Variants in SPATC1 observed in about 807,000 individuals in gnomAD.
SPATC1 encodes speriolin.
In SPATC1, 35 loss-of-function variants were observed where a neutral mutation model predicts 36.5. The observed-to-expected ratio is 0.96, with a 90% CI of 0.73 to 1.27. The LOEUF (loss-of-function observed/expected upper bound fraction) is 1.27. Among genes scored for constraint, SPATC1 ranks in the 50% most tolerant of loss-of-function variants. The pLI, the probability that SPATC1 is intolerant of heterozygous loss-of-function variation, is 0.00. For synonymous variants in SPATC1, 361 were observed against 353.6 expected (o/e 1.02, Z -0.24); for missense variants, 779 against 796.0 (o/e 0.98, Z 0.26).
In SPATC1 at chr8:144,014,387, G is replaced by A. The variant is rs547654760; in HGVS notation, c.211+1661G>A. On this transcript the variant is annotated intron_variant, in intron 1 of 4. Transcript: ENST00000377470. ...AGGAAGGAAAAGAGAGGAGGAGGAG[G>A]AGAAGAAGAACAAGAAGAAGAAGGA... Among the ~76,000 whole-genome samples, 14 of 125,088 alleles carry A rather than the reference G, an allele frequency of 1.1e-4. 1 individual carries two copies. The highest frequency in any genetic ancestry group is 4.1e-4 in the East Asian group (2 of 4,920). 82.1% of individuals were successfully genotyped at this position (125,088 alleles called of 152,430 possible).
intron 1 of SPATC1, among the ~76,000 whole-genome samples, chr8:144,029,911 A>G (rs1460533055): frequency 6.6e-6 from 1 of 152,196 alleles, no homozygotes; most frequent in African/African-American, 2.4e-5. Flanking sequence ...TCCAACTATT[A>G]TTGTAGAACG....
chr8:144,027,570 G>C (rs1834710844), intron 1 of SPATC1, among the ~76,000 whole-genome samples: 1 of 152,102 alleles, frequency 6.6e-6, no homozygotes, highest in Admixed American at 6.6e-5. Flanking sequence ...AGAGTTCTAT[G>C]GTTTTAGCTC....
Position 144,012,402 on chromosome 8 carries a change from G to A in SPATC1, c.-114G>A. 1.1e-6 allele frequency: 1 copy of A among 882,422 alleles called. No individual in the cohort carries two copies. Among genetic ancestry groups the A allele is most frequent in the Non-Finnish European group, 1.8e-6 (1 of 563,828 alleles). The allele number at this position is 882,422 out of a possible 1,614,324, so 54.7% of individuals were successfully genotyped here. ...ACCTCACAATACCCAGGGCCCACTG[G>A]GCCAGCCTTGCAGACTCTGCACCCT... On this transcript the variant is annotated 5_prime_UTR_variant, in exon 1 of 5. Coordinates refer to ENST00000377470, the MANE Select transcript of SPATC1 (RefSeq NM_198572.3).
At chr8:144,031,599 T>C (rs1834797633) in intron 1 of SPATC1, among the ~76,000 whole-genome samples, 1 of 151,680 alleles carries the variant, frequency 6.6e-6, no homozygotes, top group Non-Finnish European at 1.5e-5. Flanking sequence ...TCTCTATGAG[T>C]TTATTCTACT....
At chr8:144,043,385 G>A (rs887859013) in intron 4 of SPATC1, among the ~76,000 whole-genome samples, 4 of 150,014 alleles carry the variant, frequency 2.7e-5, no homozygotes, top group Non-Finnish European at 4.4e-5. Context: ...AAGTTCAAGC[G>A]ATTCTCCTGC....
Position 144,040,085 on chromosome 8 carries a change from C to A in SPATC1, c.388C>A (p.Pro130Thr), listed in dbSNP as rs781878231. 3 of 1,612,210 alleles carry A rather than the reference C, an allele frequency of 1.9e-6. No individual in the cohort carries two copies. Among genetic ancestry groups the A allele is most frequent in the African/African-American group, 1.3e-5 (1 of 74,908 alleles). ...CAGCACGCTGCTGTCTGGCCCAGCA[C>A]CCACGTCACAGAGCAGCCCCCTCAC... ...TLSTLLSGPA[P>T]TSQSSPLTSF... The change falls in exon 2 of 5, where the codon CCC becomes ACC. Residue 130 changes from proline (P) to threonine (T), a missense_variant. Physicochemically the swap from Pro to Thr is conservative, Grantham distance 38 (BLOSUM62 -1). Transcript: ENST00000377470.
At chr8:144,030,345 C>T (rs948191564) in intron 1 of SPATC1, among the ~76,000 whole-genome samples, 2 of 148,460 alleles carry the variant, frequency 1.3e-5, no homozygotes, top group Admixed American at 1.3e-4. Flanking sequence ...TGCCACATTG[C>T]TGTGTATGTA....
At chr8:144,015,553 C>T (rs1834368612) in intron 1 of SPATC1, among the ~76,000 whole-genome samples, 1 of 147,190 alleles carries the variant, frequency 6.8e-6, no homozygotes, top group East Asian at 2.1e-4. Context: ...ACCAGCCTGG[C>T]CAACATGGTG....
intron 1 of SPATC1, among the ~76,000 whole-genome samples, chr8:144,025,185 G>A (rs1174943539): frequency 6.6e-6 from 1 of 150,624 alleles, no homozygotes; most frequent in Non-Finnish European, 1.5e-5. Context: ...TTCTCCTCAG[G>A]GCCCTCTCCC....
rs552496859 is a variant in SPATC1, at chr8:144,016,581, G to A, written c.211+3855G>A. Among the ~76,000 whole-genome samples, 1 of 152,104 alleles carries A rather than the reference G, an allele frequency of 6.6e-6. No individual in the cohort carries two copies. The highest frequency in any genetic ancestry group is 2.1e-4 in the South Asian group (1 of 4,822). On this transcript the variant is annotated intron_variant, in intron 1 of 4. Transcript: ENST00000377470. The surrounding 1 kb of genome is among the most constrained non-coding windows in gnomAD (Gnocchi z 4.5). ...GAGGGGCTTGGACTTGCTCCTGAAG[G>A]CGCTAAGAAGACACTGATGGTTTTT...
chr8:144,023,855 A>C (rs1421018688), intron 1 of SPATC1, among the ~76,000 whole-genome samples: 93,927 of 93,998 alleles, frequency 1, 46,931 homozygotes, highest in Middle Eastern at 1. Flanking sequence ...CCCTGAGGAC[A>C]CTCTCTCTTC....
At chr8:144,027,526 A>G (rs1172851911) in intron 1 of SPATC1, among the ~76,000 whole-genome samples, 1 of 152,198 alleles carries the variant, frequency 6.6e-6, no homozygotes, top group African/African-American at 2.4e-5. Context: ...TGCCAAATCC[A>G]AGGTCATGCA....
chr8:144,035,058 C>A (rs960473587), intron 1 of SPATC1, among the ~76,000 whole-genome samples: 17 of 152,170 alleles, frequency 1.1e-4, no homozygotes, highest in African/African-American at 2.7e-4. Context: ...TACATTTGAA[C>A]ATTTCATGAT....
chr8:144,035,811 G>A (rs1834886962), intron 1 of SPATC1, among the ~76,000 whole-genome samples: 1 of 152,232 alleles, frequency 6.6e-6, no homozygotes, highest in Non-Finnish European at 1.5e-5. Flanking sequence ...CCCTGGCTGT[G>A]CGGGGACAGT....
chr8:144,037,086 G>T (rs1247965910), intron 1 of SPATC1, among the ~76,000 whole-genome samples: 1 of 140,150 alleles, frequency 7.1e-6, no homozygotes, highest in East Asian at 2.5e-4. Context: ...CAGTAGGGGC[G>T]GCCGGCTGGG....
At position 144,041,088 on chromosome 8, in the gene SPATC1, G is replaced by A. The variant is rs573661680; in HGVS notation, c.1287G>A (p.Lys429=). 2.5e-6 allele frequency: 4 copies of A among 1,585,044 alleles called. No homozygotes were observed. In the African/African-American group the frequency reaches 5.4e-5, roughly 21 times the overall value. ...AGCTGGCCCACCGCAAGACCAGCAAGTTCCCCGAGAACCCCCGAGGTCAGT... is the reference window on the plus strand; with the variant it reads ...AGCTGGCCCACCGCAAGACCAGCAAATTCCCCGAGAACCCCCGAGGTCAGT... The part of the protein sequence containing the change: ...ERKLAHRKTS[K]FPENPRESKQ... Residue 429 remains lysine, a synonymous_variant, in exon 3 of 5, where the codon AAG becomes AAA. Coordinates refer to ENST00000377470, the MANE Select transcript of SPATC1 (RefSeq NM_198572.3).
intron 1 of SPATC1, among the ~76,000 whole-genome samples, chr8:144,034,251 C>T (rs973085729): frequency 6.6e-6 from 1 of 152,198 alleles, no homozygotes; most frequent in Admixed American, 6.5e-5. Flanking sequence ...GCACGGGCCT[C>T]CATAGCACAG....
In SPATC1 at chr8:144,040,105, C is replaced by G; in HGVS notation, c.408C>G (p.Pro136=). 2.5e-6 allele frequency: 4 copies of G among 1,611,400 alleles called. No individual in the cohort carries two copies. Among genetic ancestry groups the G allele is most frequent in the African/African-American group, 1.3e-5 (1 of 75,018 alleles). The part of the protein sequence containing the change: ...SGPAPTSQSS[P]LTSFLTSPIA... ...CAGCACCCACGTCACAGAGCAGCCC[C>G]CTCACCAGCTTCCTGACCAGTCCCA... Residue 136 remains proline (P), a synonymous_variant, in exon 2 of 5, where the codon CCC becomes CCG. Coordinates refer to ENST00000377470, the MANE Select transcript of SPATC1 (RefSeq NM_198572.3).
chr8:144,042,108 C>T, intron 4 of SPATC1: 1 of 651,034 alleles, frequency 1.5e-6, no homozygotes, highest in Non-Finnish European at 1.9e-6. Flanking sequence ...ATGTACCCAG[C>T]TCACTGCAAC....
Sources: gnomAD v4.1 joint callset for allele counts (sites outside exome capture counted in the v4.1 genomes callset) on GRCh38, gnomAD v4.1.1 for gene constraint, Gnocchi (gnomAD v3.1) non-coding constraint, MANE v1.5 for transcripts, NCBI Gene and HGNC (gene_info 2026-07-23, HGNC 2026-07-21) for gene names.